The following RNF216 variants were observed in gnomAD, a reference collection of about 807,000 sequenced individuals.
RNF216 encodes ring finger protein 216.
RNF216 carries 72 observed loss-of-function variants against 110.8 expected under a neutral mutation model. That is an observed-to-expected ratio of 0.65 (90% CI 0.54 to 0.79). The LOEUF is 0.79. RNF216 is among the 30% of genes least tolerant of loss of function. The pLI, the probability that RNF216 is intolerant of heterozygous loss-of-function variation, is 0.00. For synonymous variants in RNF216, 495 were observed against 407.5 expected (o/e 1.21, Z -2.59); for missense variants, 1,342 against 1,141.2 (o/e 1.18, Z -2.54).
Position 5,729,594 on chromosome 7 carries a change from C to G in RNF216, c.1227G>C (p.Leu409Phe). 1.2e-6 allele frequency: 2 copies of G among 1,613,196 alleles called. No individual in the cohort carries two copies. The highest frequency in any genetic ancestry group is 1.1e-5 in the South Asian group (1 of 91,036). The change falls in exon 7 of 17, where the codon TTG becomes TTC. Residue 409 changes from leucine to phenylalanine, a missense_variant and splice_region_variant. Transcript: ENST00000389902. ...SLLASQDETK[L>F]PKIDFFDYSK... ...AATAGTCAAAAAAGTCTATTTTAGG[C>G]AACTGAAATGAGAGAGAAGCATAAA...
intron 7 of RNF216, among the ~76,000 whole-genome samples, chr7:5,728,436 C>T (rs6951438): frequency 0.16 from 23,638 of 151,716 alleles, 3,555 homozygotes; most frequent in African/African-American, 0.4. Context: ...CAACCAGGCG[C>T]GGTGGTGAGC....
chr7:5,732,740 G>C (rs1340360958), intron 5 of RNF216, among the ~76,000 whole-genome samples: 2 of 152,126 alleles, frequency 1.3e-5, no homozygotes, highest in Non-Finnish European at 2.9e-5. Context: ...CTGCACCCTG[G>C]GGCAAAAGCA....
At position 5,696,347 on chromosome 7, in the gene RNF216, C is replaced by T. The variant is rs3801011; in HGVS notation, c.2061+15414G>A. 1.1e-4 allele frequency among the ~76,000 whole-genome samples: 17 copies of T among 152,336 alleles called. No homozygotes were observed. The East Asian group carries it at 2.7e-3, about 24-fold the overall frequency. ...CTGAGTGAGAGAAATTAAGCTTATT[C>T]GACATGCCTTCGGCTGGAAAACAAG... On this transcript the variant is annotated intron_variant, in intron 13 of 16. Transcript: ENST00000389902. The surrounding 1 kb of genome is among the most constrained non-coding windows in gnomAD (Gnocchi z 5.4).
chr7:5,666,274 A>T (rs1318967635), intron 13 of RNF216, among the ~76,000 whole-genome samples: 1 of 152,136 alleles, frequency 6.6e-6, no homozygotes, highest in Non-Finnish European at 1.5e-5. Flanking sequence ...CAGTTAAGAC[A>T]TGATTGTAAG....
chr7:5,717,918 G>C (rs1793165876), intron 9 of RNF216, among the ~76,000 whole-genome samples: 1 of 152,066 alleles, frequency 6.6e-6, no homozygotes, highest in Non-Finnish European at 1.5e-5. Context: ...GAGTAGCTGG[G>C]ACTACAGGTG....
chr7:5,732,579 C>A (rs1794155474), intron 5 of RNF216, among the ~76,000 whole-genome samples: 1 of 152,222 alleles, frequency 6.6e-6, no homozygotes, highest in Non-Finnish European at 1.5e-5. Context: ...GAAGCTCTCA[C>A]TATAAACTGT....
At chr7:5,749,036 T>A (rs1270772392) in intron 3 of RNF216, among the ~76,000 whole-genome samples, 6 of 152,136 alleles carry the variant, frequency 3.9e-5, no homozygotes, top group Non-Finnish European at 8.8e-5. Flanking sequence ...CAATCTTTTA[T>A]CAGAAAAACA....
At chr7:5,637,887 C>T (rs1035019474) in intron 15 of RNF216, among the ~76,000 whole-genome samples, 1 of 152,228 alleles carries the variant, frequency 6.6e-6, no homozygotes, top group Non-Finnish European at 1.5e-5. Flanking sequence ...GTTCTGTTGT[C>T]CTGGGTGGAG....
intron 14 of RNF216, among the ~76,000 whole-genome samples, chr7:5,642,665 G>C (rs1473759812): frequency 6.9e-6 from 1 of 145,096 alleles, no homozygotes; most frequent in African/African-American, 2.6e-5. Context: ...TTTTAGTAGA[G>C]ATGAGGTTTC....
At chr7:5,626,882 AG>A (rs1277252704) in intron 15 of RNF216, among the ~76,000 whole-genome samples, 1 of 152,216 alleles carries the variant, frequency 6.6e-6, no homozygotes, top group Non-Finnish European at 1.5e-5. Context: ...ATTAGGACAC[AG>A]GAACACTGAA....
Position 5,774,680 on chromosome 7 carries a change from A to T in RNF216, c.-70+6861T>A, listed in dbSNP as rs1796678997. Among the ~76,000 whole-genome samples, 6 of 152,302 alleles carry T rather than the reference A, an allele frequency of 3.9e-5. No homozygotes were observed. In the South Asian group the frequency reaches 1.2e-3, roughly 32 times the overall value. ...TCAAAATAGCTGCATTGTAATCACA[A>T]GTACACAGGAAATGCAGTGCTTATT... On this transcript the variant is annotated intron_variant, in intron 1 of 16. Transcript: ENST00000389902.
In RNF216 at chr7:5,648,003, C is replaced by A. The variant is rs189924267; in HGVS notation, c.2159+4410G>T. Among the ~76,000 whole-genome samples, 193 of 152,274 alleles carry A rather than the reference C, an allele frequency of 1.3e-3. 1 individual carries two copies. The highest frequency in any genetic ancestry group is 4.5e-3 in the African/African-American group (186 of 41,562). ...AGTATTTCATGGTGGGCCACCCAGA[C>A]ACTGCATAGCTCTGGGTGTTTTGTA... On this transcript the variant is annotated intron_variant, in intron 14 of 16. Transcript: ENST00000389902.
At chr7:5,715,572 T>C (rs1792996316) in intron 10 of RNF216, among the ~76,000 whole-genome samples, 1 of 147,950 alleles carries the variant, frequency 6.8e-6, no homozygotes, top group African/African-American at 2.5e-5. Flanking sequence ...CTTTCAAAAG[T>C]TGAATTTTGT....
chr7:5,694,918 A>G (rs964405185), intron 13 of RNF216, among the ~76,000 whole-genome samples: 1 of 152,248 alleles, frequency 6.6e-6, no homozygotes, highest in Admixed American at 6.5e-5. Flanking sequence ...TTTTATAGAA[A>G]AGACAATATA....
rs865847352 is a variant in RNF216, at chr7:5,767,488, C to T, written c.-69-6350G>A. Among the ~76,000 whole-genome samples the T allele has an allele frequency of 3.3e-5, 5 of 152,126 alleles. No homozygotes were observed. In the South Asian group the frequency reaches 6.2e-4, roughly 19 times the overall value. On this transcript the variant is annotated intron_variant, in intron 1 of 16. Coordinates refer to ENST00000389902, the MANE Select transcript of RNF216 (RefSeq NM_207111.4). ...AAACCAGAATAACCTCCTCACCCCCCACCAAGTTGTTAACCTATGCCACAT... is the reference window on the plus strand; with the variant it reads ...AAACCAGAATAACCTCCTCACCCCCTACCAAGTTGTTAACCTATGCCACAT...
chr7:5,720,650 C>T (rs1793361758), intron 9 of RNF216, among the ~76,000 whole-genome samples: 2 of 152,194 alleles, frequency 1.3e-5, no homozygotes, highest in South Asian at 4.2e-4. Context: ...TTGGGAAACC[C>T]AGGGATCTCT....
chr7:5,642,457 AC>A (rs200431949), intron 14 of RNF216, among the ~76,000 whole-genome samples: 1,770 of 150,846 alleles, frequency 0.012, 32 homozygotes, highest in African/African-American at 0.041. Flanking sequence ...CAGGTGATCC[AC>A]CTGCCTCGGC....
At chr7:5,694,571 C>T (rs1042508218) in intron 13 of RNF216, among the ~76,000 whole-genome samples, 15 of 152,290 alleles carry the variant, frequency 9.8e-5, no homozygotes, top group Middle Eastern at 3.4e-3. Context: ...TAAGTTTAAA[C>T]GACAAAACAA....
intron 13 of RNF216, among the ~76,000 whole-genome samples, chr7:5,664,459 G>A (rs1789373174): frequency 6.6e-6 from 1 of 152,202 alleles, no homozygotes; most frequent in African/African-American, 2.4e-5. Flanking sequence ...TACTGCATAT[G>A]TTTCAATTAG....
Sources: gnomAD v4.1 joint callset for allele counts (sites outside exome capture counted in the v4.1 genomes callset) on GRCh38, gnomAD v4.1.1 for gene constraint, Gnocchi (gnomAD v3.1) non-coding constraint, MANE v1.5 for transcripts, NCBI Gene and HGNC (gene_info 2026-07-23, HGNC 2026-07-21) for gene names.